Variants in LCLAT1 observed in about 807,000 individuals in gnomAD.
LCLAT1 encodes lysocardiolipin acyltransferase 1, also known as 1-AGP acyltransferase 8.
A neutral mutation model predicts 30.7 loss-of-function variants in LCLAT1; 11 were observed. The observed-to-expected ratio is 0.36, with a 90% CI of 0.23 to 0.59. The LOEUF (loss-of-function observed/expected upper bound fraction) is 0.59, where lower values mean the gene tolerates loss of function less well. LCLAT1 is among the 20% of genes least tolerant of loss of function. The pLI is 0.77. For synonymous variants in LCLAT1, 155 were observed against 151.3 expected, an observed-to-expected ratio of 1.02 and a Z score of -0.18; for missense variants, 402 against 458.6, an observed-to-expected ratio of 0.88 and a Z score of 1.13.
chr2:30,639,592 AGTTGAT>A (rs1401368823), intron 5 of LCLAT1, among the ~76,000 whole-genome samples: 4 of 152,122 alleles, frequency 2.6e-5, no homozygotes, highest in Non-Finnish European at 5.9e-5. Flanking sequence ...CTGTAGCTCA[AGTTGAT>A]GTTTTTTAAA....
At chr2:30,560,222 CTTAT>C (rs765687827) in intron 3 of LCLAT1, among the ~76,000 whole-genome samples, 11 of 150,184 alleles carry the variant, frequency 7.3e-5, no homozygotes, top group Non-Finnish European at 1.5e-4. Flanking sequence ...TTTGTATATG[CTTAT>C]TTATATATGT....
chr2:30,593,916 C>A (rs1666803173), intron 5 of LCLAT1, among the ~76,000 whole-genome samples: 2 of 73,246 alleles, frequency 2.7e-5, no homozygotes, highest in African/African-American at 6.8e-5. Flanking sequence ...GAGAGAGATC[C>A]TGTCTCAAAA....
Position 30,640,102 on chromosome 2 carries a change from CTT to C in LCLAT1, c.629-12_629-11del. 6.3e-7 allele frequency: 1 copy of C among 1,596,386 alleles called. No homozygotes were observed. Among genetic ancestry groups the C allele is most frequent in the South Asian group, 1.1e-5 (1 of 87,600 alleles). On this transcript the variant is annotated splice_polypyrimidine_tract_variant and intron_variant, in intron 5 of 5. Transcript: ENST00000379509. ...AGCACTGCTTAATCTATGTTTTCAT[CTT>C]TTCGAAACCCAGGTAAGAACCTTGA...
chr2:30,625,958 C>T (rs1047357544), intron 5 of LCLAT1, among the ~76,000 whole-genome samples: 3 of 152,164 alleles, frequency 2.0e-5, no homozygotes, highest in Non-Finnish European at 4.4e-5. Flanking sequence ...CACTGATAAA[C>T]TGTAAGGGCA....
chr2:30,490,348 G>A (rs1683782168), intron 1 of LCLAT1, among the ~76,000 whole-genome samples: 1 of 151,958 alleles, frequency 6.6e-6, no homozygotes, highest in Admixed American at 6.6e-5. Context: ...GACTACAGGT[G>A]CGTGTCACCA....
intron 1 of LCLAT1, among the ~76,000 whole-genome samples, chr2:30,482,467 A>G (rs978821982): frequency 1.3e-5 from 2 of 152,224 alleles, no homozygotes; most frequent in African/African-American, 2.4e-5. Flanking sequence ...TGTGGAAAGA[A>G]TGTATGGCTA....
At chr2:30,639,287 T>C (rs955179603) in intron 5 of LCLAT1, among the ~76,000 whole-genome samples, 1 of 152,224 alleles carries the variant, frequency 6.6e-6, no homozygotes, top group African/African-American at 2.4e-5. Context: ...CCTTTATGCA[T>C]GCCTGCCTCC....
intron 5 of LCLAT1, among the ~76,000 whole-genome samples, chr2:30,571,320 A>G (rs1665768435): frequency 6.6e-6 from 1 of 152,196 alleles, no homozygotes; most frequent in Non-Finnish European, 1.5e-5. Flanking sequence ...CTGACTTAAC[A>G]TGCAGGTTAC....
chr2:30,590,615 A>C (rs1374070791), intron 5 of LCLAT1, among the ~76,000 whole-genome samples: 2 of 151,092 alleles, frequency 1.3e-5, no homozygotes, highest in Non-Finnish European at 3.0e-5. Flanking sequence ...AGCAAATTAC[A>C]TATTTACTTT....
At chr2:30,536,491 T>G (rs1365703258) in intron 3 of LCLAT1, among the ~76,000 whole-genome samples, 1 of 152,180 alleles carries the variant, frequency 6.6e-6, no homozygotes, top group East Asian at 1.9e-4. Flanking sequence ...ATATTCAACA[T>G]GCTGAAAGAA....
intron 1 of LCLAT1, among the ~76,000 whole-genome samples, chr2:30,463,910 CATACAA>C (rs1258999401): frequency 2.0e-5 from 3 of 152,220 alleles, no homozygotes; most frequent in Non-Finnish European, 4.4e-5. Context: ...CTAATTTTCA[CATACAA>C]ATAGTGCCTC....
At chr2:30,638,375 C>T (rs1015573852) in intron 5 of LCLAT1, among the ~76,000 whole-genome samples, 12 of 152,114 alleles carry the variant, frequency 7.9e-5, no homozygotes, top group African/African-American at 2.7e-4. Flanking sequence ...TCATGTAATC[C>T]ACACCTGAAT....
intron 3 of LCLAT1, among the ~76,000 whole-genome samples, chr2:30,552,319 A>G (rs1049602755): frequency 2.6e-5 from 4 of 152,194 alleles, no homozygotes; most frequent in Non-Finnish European, 5.9e-5. Context: ...CTGCATGTGT[A>G]TATGATTATG....
chr2:30,572,680 T>C (rs1240012442), intron 5 of LCLAT1, among the ~76,000 whole-genome samples: 6 of 152,060 alleles, frequency 3.9e-5, no homozygotes, highest in Non-Finnish European at 7.4e-5. Flanking sequence ...CTTACAGTTT[T>C]TCAAATGCTA....
intron 3 of LCLAT1, among the ~76,000 whole-genome samples, chr2:30,555,590 C>G (rs1421271219): frequency 6.6e-6 from 1 of 151,928 alleles, no homozygotes; most frequent in Non-Finnish European, 1.5e-5. Context: ...CTTTTTAATA[C>G]TATTACTATG....
intron 1 of LCLAT1, among the ~76,000 whole-genome samples, chr2:30,449,021 T>C (rs182896420): frequency 7.2e-5 from 11 of 152,312 alleles, no homozygotes; most frequent in Admixed American, 2.0e-4. Context: ...CGGGGACTTA[T>C]ATGTGCCAAC....
chr2:30,590,874 C>A (rs1055484363), intron 5 of LCLAT1, among the ~76,000 whole-genome samples: 4 of 152,022 alleles, frequency 2.6e-5, no homozygotes, highest in South Asian at 2.1e-4. Flanking sequence ...CAAAGAAATG[C>A]CTAGCCAAGA....
intron 1 of LCLAT1, among the ~76,000 whole-genome samples, chr2:30,452,196 G>C (rs990505265): frequency 4.0e-5 from 6 of 151,818 alleles, no homozygotes; most frequent in African/African-American, 1.5e-4. Flanking sequence ...GTAAAAATAT[G>C]AGGATTGTGC....
intron 1 of LCLAT1, among the ~76,000 whole-genome samples, chr2:30,482,528 T>C (rs537519626): frequency 6.6e-6 from 1 of 152,286 alleles, no homozygotes; most frequent in East Asian, 1.9e-4. Context: ...TCACTGAGAA[T>C]GATGTTACTT....
Sources: gnomAD v4.1 joint callset for allele counts (sites outside exome capture counted in the v4.1 genomes callset) on GRCh38, gnomAD v4.1.1 for gene constraint, MANE v1.5 for transcripts, NCBI Gene and HGNC (gene_info 2026-07-23, HGNC 2026-07-21) for gene names.